FHIT: variants seen among roughly 807,000 people sequenced by gnomAD.
FHIT encodes the protein fragile histidine triad diadenosine triphosphatase, also known as bis(5'-adenosyl)-triphosphatase.
Under a neutral mutation model 17.9 loss-of-function variants are expected in FHIT, and 19 were observed. The ratio of observed to expected loss-of-function variants is 1.06; its 90% CI spans 0.74 to 1.56. The LOEUF (loss-of-function observed/expected upper bound fraction) is 1.56, where lower values mean the gene tolerates loss of function less well. Ranked by LOEUF, FHIT falls within the 40% of genes most tolerant of loss-of-function variation. The pLI, the probability that FHIT is intolerant of heterozygous loss-of-function variation, is 0.00. For missense variants in FHIT, 248 were observed against 189.2 expected (o/e 1.31, Z -1.82); for synonymous variants, 81 against 69.7 (o/e 1.16, Z -0.81).
Position 59,857,861 on chromosome 3 carries a change from A to C in FHIT, c.348+64485T>G, listed in dbSNP as rs554307997. 1.2e-3 allele frequency among the ~76,000 whole-genome samples: 182 copies of C among 152,212 alleles called. 1 individual carries two copies. Among genetic ancestry groups the C allele is most frequent in the African/African-American group, 4.3e-3 (177 of 41,514 alleles). On this transcript the variant is annotated intron_variant, in intron 8 of 9. Transcript: ENST00000492590. ...ACATATTTTTAAAGAGCTCTGATAG[A>C]GAGAAACCAGGTGGTGAAAGAAGGT...
rs565095795 is a variant in FHIT at position 59,888,076 on chromosome 3, C to T, written c.348+34270G>A. Among the ~76,000 whole-genome samples, 3 of 152,220 alleles carry T rather than the reference C, an allele frequency of 2.0e-5. No homozygotes were observed. In the South Asian group the frequency reaches 6.2e-4, roughly 32 times the overall value. ...CGGGTGTACTTTCTAACTTTTATCC[C>T]CAATTTGTTCCCTGAGGATTTCAAG... On this transcript the variant is annotated intron_variant, in intron 8 of 9. Transcript: ENST00000492590.
At chr3:59,907,650 T>G (rs1350321839) in intron 8 of FHIT, among the ~76,000 whole-genome samples, 4 of 152,234 alleles carry the variant, frequency 2.6e-5, no homozygotes, top group African/African-American at 9.6e-5. Flanking sequence ...TACCCTTGCC[T>G]TTTCCCCAAC....
In FHIT at chr3:60,734,672, C is replaced by T. The variant is rs1553712142; in HGVS notation, c.-18+87247G>A. On this transcript the variant is annotated intron_variant, in intron 4 of 9. Transcript: ENST00000492590. Reference sequence around the variant, plus strand: ...GAGCCATCCCACCTGGCCTCAATCTCTGTATATTTTAGAGGATAGATAACT... The same window carrying T: ...GAGCCATCCCACCTGGCCTCAATCTTTGTATATTTTAGAGGATAGATAACT... 2.0e-3 allele frequency among the ~76,000 whole-genome samples: 309 copies of T among 152,334 alleles called. 4 individuals are homozygous for T. The highest frequency in any genetic ancestry group is 2.3e-3 in the East Asian group (12 of 5,178).
chr3:60,744,272 A>AAAAACAAC (rs2042310227), intron 4 of FHIT, among the ~76,000 whole-genome samples: 1 of 89,958 alleles, frequency 1.1e-5, no homozygotes, highest in South Asian at 4.2e-4. Flanking sequence ...ACAAAACAAA[A>AAAAACAAC]AAAAAAAAAA....
In FHIT at chr3:59,851,683, G is replaced by T. The variant is rs138524452; in HGVS notation, c.348+70663C>A. 4.8e-3 allele frequency among the ~76,000 whole-genome samples: 735 copies of T among 152,254 alleles called. 3 individuals are homozygous for T. The highest frequency in any genetic ancestry group is 7.5e-3 in the South Asian group (36 of 4,820). ...ATTCGTGTTCTCAAGAGACAAGAGG[G>T]TCTTGCCCAAAACTACAGAATATCA... On this transcript the variant is annotated intron_variant, in intron 8 of 9. Coordinates refer to ENST00000492590, the MANE Select transcript of FHIT (RefSeq NM_002012.4).
intron 5 of FHIT, among the ~76,000 whole-genome samples, chr3:60,489,401 A>G (rs2033972025): frequency 6.6e-6 from 1 of 152,200 alleles, no homozygotes; most frequent in Non-Finnish European, 1.5e-5. Context: ...ATGGAGCATA[A>G]CTTAAACTCC....
intron 8 of FHIT, among the ~76,000 whole-genome samples, chr3:59,921,168 C>T (rs1458090052): frequency 6.6e-6 from 1 of 152,204 alleles, no homozygotes; most frequent in African/African-American, 2.4e-5. Flanking sequence ...TAACCAGCCA[C>T]CTCACGGAAT....
At chr3:60,975,815 G>C (rs1430798511) in intron 3 of FHIT, among the ~76,000 whole-genome samples, 1 of 151,888 alleles carries the variant, frequency 6.6e-6, no homozygotes, top group Non-Finnish European at 1.5e-5. Context: ...TCCCTAAATT[G>C]TCTCACAACT....
intron 5 of FHIT, among the ~76,000 whole-genome samples, chr3:60,194,233 G>A (rs555239008): frequency 6.6e-6 from 1 of 152,214 alleles, no homozygotes; most frequent in South Asian, 2.1e-4. Context: ...TAGTATAAAA[G>A]TAGATTTATA....
rs1700750265 is a variant in FHIT at position 59,749,239 on chromosome 3, T to TA, written c.*345dup. 4.3e-6 allele frequency: 1 copy of TA among 230,418 alleles called. No homozygotes were observed. Among genetic ancestry groups the TA allele is most frequent in the Non-Finnish European group, 8.6e-6 (1 of 116,396 alleles). The allele number at this position is 230,418 out of a possible 1,614,324, so 14.3% of individuals were successfully genotyped here. A position where few individuals can be genotyped will look rare whatever the true frequency, so the allele number is the denominator to read the frequency against. ...ACCAATCCAACGATTGAATTTCCTT[T>TA]AAAAAAGTAACTGTAACTGTAATAG... On this transcript the variant is annotated 3_prime_UTR_variant, in exon 10 of 10. Coordinates refer to ENST00000492590, the MANE Select transcript of FHIT (RefSeq NM_002012.4).
intron 5 of FHIT, among the ~76,000 whole-genome samples, chr3:60,102,014 G>T (rs1029165165): frequency 6.6e-5 from 10 of 152,158 alleles, no homozygotes; most frequent in South Asian, 2.1e-4. Flanking sequence ...AAGAATTTTT[G>T]AATGCACCAA....
At chr3:59,894,731 A>G (rs1423894067) in intron 8 of FHIT, among the ~76,000 whole-genome samples, 2 of 152,212 alleles carry the variant, frequency 1.3e-5, no homozygotes, top group Non-Finnish European at 2.9e-5. Context: ...AAAGTGATCA[A>G]TTTGGTACAT....
intron 8 of FHIT, among the ~76,000 whole-genome samples, chr3:59,784,143 T>C (rs547828951): frequency 1.3e-5 from 2 of 152,312 alleles, no homozygotes; most frequent in South Asian, 4.1e-4. Context: ...GTCATATCAC[T>C]CAGAAAACAT....
intron 2 of FHIT, among the ~76,000 whole-genome samples, chr3:61,165,026 A>G (rs888611477): frequency 8.6e-4 from 131 of 152,190 alleles, no homozygotes; most frequent in African/African-American, 2.7e-3. Context: ...CACATTTTCT[A>G]TATCCAATCC....
intron 1 of FHIT, among the ~76,000 whole-genome samples, chr3:61,209,444 T>C (rs2039377034): frequency 6.6e-6 from 1 of 152,232 alleles, no homozygotes; most frequent in Admixed American, 6.5e-5. Flanking sequence ...CCCGTCACTT[T>C]CAGGTACACC....
chr3:59,973,087 G>A (rs1441516523), intron 7 of FHIT, among the ~76,000 whole-genome samples: 2 of 151,978 alleles, frequency 1.3e-5, no homozygotes, highest in African/African-American at 4.8e-5. Flanking sequence ...TCTCAATTCT[G>A]GTGCTTCTCA....
At chr3:60,312,865 C>T (rs543244926) in intron 5 of FHIT, among the ~76,000 whole-genome samples, 7 of 152,206 alleles carry the variant, frequency 4.6e-5, no homozygotes, top group Middle Eastern at 3.4e-3. Context: ...ACAAAACCTT[C>T]CACAAAGAAT....
At chr3:60,599,839 CAGG>C (rs2107711345) in intron 4 of FHIT, among the ~76,000 whole-genome samples, 1 of 152,200 alleles carries the variant, frequency 6.6e-6, no homozygotes, top group Non-Finnish European at 1.5e-5. Context: ...TTCTTTAGGG[CAGG>C]AGTTCTTGAC....
At chr3:60,095,453 C>T (rs577425901) in intron 5 of FHIT, among the ~76,000 whole-genome samples, 7 of 152,270 alleles carry the variant, frequency 4.6e-5, no homozygotes, top group African/African-American at 1.2e-4. Flanking sequence ...GCTTAAAATG[C>T]GACTAAATAT....
Sources: allele counts gnomAD v4.1 joint callset (sites outside exome capture counted in the v4.1 genomes callset), GRCh38; gene constraint gnomAD v4.1.1; transcripts MANE v1.5; gene names NCBI Gene and HGNC (gene_info 2026-07-23, HGNC 2026-07-21).